The following MEI1 variants were observed in gnomAD, a reference collection of about 807,000 sequenced individuals.
MEI1 encodes meiotic double-stranded break formation protein 1, also known as meiosis inhibitor protein 1.
Under a neutral mutation model 146.2 loss-of-function variants are expected in MEI1, and 103 were observed. That is an observed-to-expected ratio of 0.70 (90% CI 0.60 to 0.83). The LOEUF (loss-of-function observed/expected upper bound fraction) is 0.83, where lower values mean the gene tolerates loss of function less well. Among genes scored for constraint, MEI1 ranks in the 40% least tolerant of loss-of-function variants. The probability of loss-of-function intolerance (pLI) is 0.00; values close to 1 mark genes in which losing one functional copy is unlikely to be tolerated. For synonymous variants in MEI1, 652 were observed against 628.2 expected (o/e 1.04, Z -0.57); for missense variants, 1,529 against 1,533.0 (o/e 1.00, Z 0.04).
chr22:41,748,540 T>C (rs2073502268), intron 15 of MEI1, among the ~76,000 whole-genome samples: 1 of 152,084 alleles, frequency 6.6e-6, no homozygotes, highest in Admixed American at 6.6e-5. Context: ...AAAGAAAAAT[T>C]AGCTGAGAGT....
Position 41,716,023 on chromosome 22 carries a change from C to T in MEI1, c.424-18C>T, listed in dbSNP as rs922900690. The T allele has an allele frequency of 3.8e-6, 6 of 1,563,962 alleles. No homozygotes were observed. In the African/African-American group the frequency reaches 8.1e-5, roughly 21 times the overall value. On this transcript the variant is annotated intron_variant, in intron 4 of 30. Transcript: ENST00000401548. Reference sequence around the variant, plus strand: ...CCTGATCCTAATTGACAGAATGGAGCATATTCACTTTCTGTAGCTGTGTAA... The same window carrying T: ...CCTGATCCTAATTGACAGAATGGAGTATATTCACTTTCTGTAGCTGTGTAA...
intron 11 of MEI1, 54 bp downstream of exon 11, chr22:41,732,657 G>A (rs780991794): frequency 1.9e-6 from 3 of 1,566,458 alleles, no homozygotes; most frequent in Non-Finnish European, 2.6e-6. Flanking sequence ...CTAAGGGCCT[G>A]TTGAGGCCAG....
At chr22:41,762,852 A>G in intron 18 of MEI1, among the ~76,000 whole-genome samples, 1 of 152,202 alleles carries the variant, frequency 6.6e-6, no homozygotes, top group East Asian at 1.9e-4. Flanking sequence ...AGCAGCTGCC[A>G]GAGCAGGGCC....
At chr22:41,707,059 CG>C (rs2069148700) in intron 3 of MEI1, among the ~76,000 whole-genome samples, 1 of 148,556 alleles carries the variant, frequency 6.7e-6, no homozygotes, top group African/African-American at 2.5e-5. Context: ...AAAAATTAGC[CG>C]GGCGCGGTGG....
Position 41,730,528 on chromosome 22 carries a change from CT to C in MEI1, c.990del (p.Phe330LeufsTer19). The C allele has an allele frequency of 6.2e-7, 1 of 1,611,988 alleles. No homozygotes were observed. Among genetic ancestry groups the C allele is most frequent in the Non-Finnish European group, 8.5e-7 (1 of 1,178,064 alleles). ...FIHADIPEFL[F>X]EHLSSSSEVL... ...CATCCTCTCCCTTGTTAGAGTTCCT[CT>C]TTGAGCATCTTTCTTCTTCCAGTGA... On this transcript the variant is annotated frameshift_variant, in exon 9 of 31. Coordinates refer to ENST00000401548, the MANE Select transcript of MEI1 (RefSeq NM_152513.4). LOFTEE classifies it high-confidence loss of function.
intron 30 of MEI1, among the ~76,000 whole-genome samples, chr22:41,798,957 CACTGCAGTCCAGAGAT>C (rs1251607045): frequency 9.2e-5 from 14 of 151,648 alleles, no homozygotes; most frequent in East Asian, 5.8e-4. Context: ...CACCCAGAGA[CACTGCAGTCCAGAGAT>C]ACTGCAGTCC....
intron 11 of MEI1, among the ~76,000 whole-genome samples, chr22:41,738,850 C>T (rs2072617187): frequency 6.7e-6 from 1 of 149,868 alleles, no homozygotes; most frequent in Non-Finnish European, 1.5e-5. Context: ...CACCTATGGT[C>T]CCAACTACTT....
At chr22:41,744,263 G>A (rs998600459) in intron 12 of MEI1, among the ~76,000 whole-genome samples, 5 of 150,338 alleles carry the variant, frequency 3.3e-5, no homozygotes, top group African/African-American at 9.8e-5. Flanking sequence ...CTTCGCCTCC[G>A]GGGTTCAAGC....
At chr22:41,725,524 C>T (rs1287683316) in intron 7 of MEI1, among the ~76,000 whole-genome samples, 1 of 152,194 alleles carries the variant, frequency 6.6e-6, no homozygotes, top group Non-Finnish European at 1.5e-5. Context: ...AGATTCTGAG[C>T]TTGGTACTGA....
intron 6 of MEI1, among the ~76,000 whole-genome samples, chr22:41,722,307 C>CT (rs1408191334): frequency 1.3e-4 from 19 of 151,626 alleles, no homozygotes; most frequent in Non-Finnish European, 2.4e-4. Context: ...ATTTAATTTA[C>CT]TTATTTTTAA....
chr22:41,779,118 A>T (rs1286939096), intron 22 of MEI1, among the ~76,000 whole-genome samples: 1 of 152,008 alleles, frequency 6.6e-6, no homozygotes, highest in East Asian at 1.9e-4. Context: ...TGAAGCCAGG[A>T]GTTCAAGACC....
At position 41,746,001 on chromosome 22, in the gene MEI1, A is replaced by C; in HGVS notation, c.1655A>C (p.Asp552Ala). 1 of 1,607,828 alleles carries C rather than the reference A, an allele frequency of 6.2e-7. No individual in the cohort carries two copies. The highest frequency in any genetic ancestry group is 8.5e-7 in the Non-Finnish European group (1 of 1,176,950). Residue 552 changes from aspartate to alanine, a missense_variant, in exon 14 of 31, where the codon GAC becomes GCC. Physicochemically the swap from Asp to Ala is moderately radical, Grantham distance 126. Coordinates refer to ENST00000401548, the MANE Select transcript of MEI1 (RefSeq NM_152513.4). ...TCAGAATTTCTTCTCAGTGCCTGTG[A>C]CTCGCTGTGTATCCCCATGGTGATG... The part of the protein sequence containing the change: ...AFSEFLLSAC[D>A]SLCIPMVMRH...
chr22:41,780,367 G>A (rs2075689554), intron 22 of MEI1, among the ~76,000 whole-genome samples: 1 of 152,108 alleles, frequency 6.6e-6, no homozygotes, highest in East Asian at 1.9e-4. Context: ...GCCAAAAAGT[G>A]AATGGAGCTG....
rs947762313 is a variant in MEI1 at position 41,781,671 on chromosome 22, C to A, written c.2927-14C>A. ...TGTAACTCCTGTGGGCCCTGCCTTG[C>A]CCACCCCCGACAGCTGCTGCAGTGC... is the stretch of plus-strand genomic sequence containing the variant. On this transcript the variant is annotated splice_polypyrimidine_tract_variant and intron_variant, in intron 23 of 30. Coordinates refer to ENST00000401548, the MANE Select transcript of MEI1 (RefSeq NM_152513.4). 1 of 1,610,600 alleles carries A rather than the reference C, an allele frequency of 6.2e-7. No homozygotes were observed. Among genetic ancestry groups the A allele is most frequent in the South Asian group, 1.1e-5 (1 of 90,842 alleles).
intron 14 of MEI1, 34 bp from the exon 15 acceptor site, chr22:41,748,073 C>G: frequency 2.7e-6 from 4 of 1,470,812 alleles, no homozygotes; most frequent in Non-Finnish European, 3.8e-6. Flanking sequence ...GCTCAGTCCC[C>G]GTGGGCTGTG....
chr22:41,798,875 T>G (rs1221512377), intron 30 of MEI1, among the ~76,000 whole-genome samples: 1 of 104,450 alleles, frequency 9.6e-6, no homozygotes, highest in Non-Finnish European at 2.1e-5. Context: ...AGACTATGTC[T>G]CAAAAAAAAA....
chr22:41,760,234 T>A (rs577079560), intron 18 of MEI1, among the ~76,000 whole-genome samples: 1,753 of 146,422 alleles, frequency 0.012, 12 homozygotes, highest in Non-Finnish European at 0.02. Flanking sequence ...GGCGTGAACC[T>A]GGGAGGCAGA....
chr22:41,745,171 C>A, intron 13 of MEI1, 107 bp downstream of exon 13: 2 of 803,032 alleles, frequency 2.5e-6, no homozygotes, highest in Non-Finnish European at 3.7e-6. Context: ...TGATACTCTG[C>A]TGTATGGCAA....
chr22:41,725,943 G>C (rs2071307804), intron 7 of MEI1, among the ~76,000 whole-genome samples: 1 of 152,168 alleles, frequency 6.6e-6, no homozygotes. Flanking sequence ...AAACTCTGGG[G>C]CTCTTTCTGC....
Sources: gnomAD v4.1 joint callset for allele counts (sites outside exome capture counted in the v4.1 genomes callset) on GRCh38, gnomAD v4.1.1 for gene constraint, MANE v1.5 for transcripts, NCBI Gene and HGNC (gene_info 2026-07-23, HGNC 2026-07-21) for gene names.